SUGCT: variants seen among roughly 807,000 people sequenced by gnomAD.
SUGCT encodes succinyl-CoA:glutarate-CoA transferase.
SUGCT carries 41 observed loss-of-function variants against 55.0 expected under a neutral mutation model. That is an observed-to-expected ratio of 0.74 (90% CI 0.58 to 0.97). The LOEUF (loss-of-function observed/expected upper bound fraction) is 0.97. Ranked by LOEUF, SUGCT falls within the 50% of genes least tolerant of loss-of-function variation. The probability of loss-of-function intolerance (pLI) is 0.00; values close to 1 mark genes in which losing one functional copy is unlikely to be tolerated. For synonymous variants in SUGCT, 187 were observed against 200.4 expected (o/e 0.93, Z 0.56); for missense variants, 568 against 547.8 (o/e 1.04, Z -0.37).
chr7:40,898,779 G>T, the SUGCT span, among the ~76,000 whole-genome samples: 2 of 152,072 alleles, frequency 1.3e-5, no homozygotes, highest in East Asian at 3.9e-4. Flanking sequence ...ACCAATTCTG[G>T]ACACAAAATG....
At chr7:40,952,760 T>C in the SUGCT span, among the ~76,000 whole-genome samples, 6 of 152,336 alleles carry the variant, frequency 3.9e-5, no homozygotes, top group African/African-American at 1.4e-4. Flanking sequence ...ATTATTTTCT[T>C]TAAGAGGTTG....
chr7:40,441,124 G>C (rs1264930164), intron 9 of SUGCT, among the ~76,000 whole-genome samples: 1 of 152,130 alleles, frequency 6.6e-6, no homozygotes, highest in Admixed American at 6.6e-5. Context: ...CTAGCACATA[G>C]TGAGTTATAT....
At chr7:41,037,909 T>C in the SUGCT span, among the ~76,000 whole-genome samples, 1 of 152,184 alleles carries the variant, frequency 6.6e-6, no homozygotes, top group Non-Finnish European at 1.5e-5. Context: ...CTGTTGTGTT[T>C]TCGACATTTG....
chr7:40,723,691 C>T (rs1252769533), intron 12 of SUGCT, among the ~76,000 whole-genome samples: 4 of 152,130 alleles, frequency 2.6e-5, no homozygotes, highest in Admixed American at 1.3e-4. Context: ...GTTTTTAAGA[C>T]TTTTTGGTGA....
At position 40,250,410 on chromosome 7, in the gene SUGCT, A is replaced by T. The variant is rs571453241; in HGVS notation, c.576+12684A>T. On this transcript the variant is annotated intron_variant, in intron 7 of 13. Coordinates refer to ENST00000335693, the MANE Select transcript of SUGCT (RefSeq NM_001193313.2). ...GCAAGATCTTGTCTTTTTTTTTTTT[A>T]AAGTAATTATTCTTATATATAATAC... Among the ~76,000 whole-genome samples the T allele has an allele frequency of 4.6e-5, 7 of 150,606 alleles. No individual in the cohort carries two copies. The East Asian group carries it at 5.8e-4, about 13-fold the overall frequency.
At chr7:40,736,996 C>T (rs1216378759) in intron 12 of SUGCT, among the ~76,000 whole-genome samples, 1 of 152,074 alleles carries the variant, frequency 6.6e-6, no homozygotes, top group African/African-American at 2.4e-5. Context: ...GGTATTGATA[C>T]TAATGATTTC....
At chr7:40,761,243 C>T (rs1024895918) in intron 13 of SUGCT, among the ~76,000 whole-genome samples, 1 of 151,890 alleles carries the variant, frequency 6.6e-6, no homozygotes, top group African/African-American at 2.4e-5. Flanking sequence ...CTAAACTGGC[C>T]CCTTTGTTTG....
intron 9 of SUGCT, among the ~76,000 whole-genome samples, chr7:40,376,063 T>C (rs1174032879): frequency 1.3e-5 from 2 of 152,220 alleles, no homozygotes; most frequent in Non-Finnish European, 2.9e-5. Flanking sequence ...TGTATAGATA[T>C]CTCATGAAAA....
intron 6 of SUGCT, among the ~76,000 whole-genome samples, chr7:40,196,908 C>T (rs1035132772): frequency 6.6e-6 from 1 of 152,158 alleles, no homozygotes; most frequent in Non-Finnish European, 1.5e-5. Flanking sequence ...AATCTCAGCT[C>T]ACTGCAACCT....
At chr7:40,818,276 A>G (rs1235292379) in intron 13 of SUGCT, among the ~76,000 whole-genome samples, 1 of 152,220 alleles carries the variant, frequency 6.6e-6, no homozygotes, top group East Asian at 1.9e-4. Flanking sequence ...GCACTTCCAT[A>G]TTACCATCTC....
intron 12 of SUGCT, among the ~76,000 whole-genome samples, chr7:40,532,657 T>G (rs939086741): frequency 4.6e-5 from 7 of 151,952 alleles, no homozygotes; most frequent in African/African-American, 7.2e-5. Flanking sequence ...CAAGCAAAAA[T>G]TTTTAGACAT....
At chr7:40,885,135 G>T in the SUGCT span, among the ~76,000 whole-genome samples, 1 of 152,152 alleles carries the variant, frequency 6.6e-6, no homozygotes, top group Non-Finnish European at 1.5e-5. Context: ...TTGGAATAGT[G>T]GCCGAGGTTA....
chr7:40,451,611 T>G (rs1789195331), intron 10 of SUGCT, among the ~76,000 whole-genome samples: 1 of 152,234 alleles, frequency 6.6e-6, no homozygotes, highest in South Asian at 2.1e-4. Flanking sequence ...CTCTTTGAGA[T>G]TCTCAGAAGA....
rs547497241 is a variant in SUGCT at position 40,761,505 on chromosome 7, C to A, written c.1153+12008C>A. The stretch of plus-strand genomic sequence containing the variant: ...TTCTGAAATAGTAATAGTTGTCCCA[C>A]CACAAAATGACCCTTTTGTCAAACA... On this transcript the variant is annotated intron_variant, in intron 13 of 13. Coordinates refer to ENST00000335693, the MANE Select transcript of SUGCT (RefSeq NM_001193313.2). 3.3e-5 allele frequency among the ~76,000 whole-genome samples: 5 copies of A among 152,292 alleles called. No individual in the cohort carries two copies. The East Asian group carries it at 9.6e-4, about 29-fold the overall frequency.
chr7:40,881,285 A>G, the SUGCT span, among the ~76,000 whole-genome samples: 2 of 152,162 alleles, frequency 1.3e-5, no homozygotes, highest in African/African-American at 4.8e-5. Context: ...TATGTTTCCT[A>G]CATTCCCCGG....
the SUGCT span, among the ~76,000 whole-genome samples, chr7:41,018,552 A>C: frequency 2.0e-5 from 3 of 152,182 alleles, no homozygotes; most frequent in Admixed American, 1.3e-4. Context: ...ATTACACAGC[A>C]CTGGATATTT....
intron 12 of SUGCT, among the ~76,000 whole-genome samples, chr7:40,656,193 C>T (rs2151846514): frequency 6.6e-6 from 1 of 151,428 alleles, no homozygotes; most frequent in South Asian, 2.1e-4. Context: ...ATTTTAAAAT[C>T]TTGGTCAGTC....
the SUGCT span, among the ~76,000 whole-genome samples, chr7:40,916,130 G>A: frequency 1.3e-5 from 2 of 151,286 alleles, no homozygotes; most frequent in African/African-American, 4.9e-5. Context: ...CACTAGAATT[G>A]TATATGAATG....
chr7:40,165,164 A>C (rs539303782), intron 1 of SUGCT, among the ~76,000 whole-genome samples: 1 of 152,328 alleles, frequency 6.6e-6, no homozygotes, highest in African/African-American at 2.4e-5. Context: ...TCAAATTAAA[A>C]AATTATTTTG....
Sources: allele counts gnomAD v4.1 joint callset (sites outside exome capture counted in the v4.1 genomes callset), GRCh38; gene constraint gnomAD v4.1.1; transcripts MANE v1.5; gene names NCBI Gene and HGNC (gene_info 2026-07-23, HGNC 2026-07-21).